GRIA3: variants seen among roughly 807,000 people sequenced by gnomAD.
GRIA3 encodes glutamate ionotropic receptor AMPA type subunit 3.
Under a neutral mutation model 63.0 loss-of-function variants are expected in GRIA3, and 3 were observed. That is an observed-to-expected ratio of 0.05 (90% confidence interval 0.02 to 0.12). The LOEUF is 0.12. Among genes scored for constraint, GRIA3 ranks in the 10% least tolerant of loss-of-function variants. The pLI is 1.00. For missense variants in GRIA3, 347 were observed against 700.9 expected, an observed-to-expected ratio of 0.50 and a Z score of 5.70; for synonymous variants, 274 against 257.9, an observed-to-expected ratio of 1.06 and a Z score of -0.60.
intron 4 of GRIA3, among the ~76,000 whole-genome samples, chrX:123,340,002 C>A (rs73229283): frequency 0.025 from 2,808 of 112,081 alleles, 39 homozygotes; most frequent in Middle Eastern, 0.037. Context: ...CTGAGAGAGA[C>A]TGACATACAT....
chrX:123,463,798 GAAGA>G (rs1387193783), intron 12 of GRIA3, among the ~76,000 whole-genome samples: 3 of 103,319 alleles, frequency 2.9e-5, no homozygotes, highest in African/African-American at 7.9e-5. Flanking sequence ...GAGAAAGAAA[GAAGA>G]AAGAGAGAGA....
chrX:123,361,691 G>C (rs1331220347), intron 5 of GRIA3, among the ~76,000 whole-genome samples: 1 of 111,060 alleles, frequency 9.0e-6, no homozygotes, highest in African/African-American at 3.3e-5. Context: ...CCACTGCACT[G>C]TGTCTCTCTT....
intron 12 of GRIA3, among the ~76,000 whole-genome samples, chrX:123,457,694 C>T (rs1277594995): frequency 8.9e-6 from 1 of 111,860 alleles, no homozygotes; most frequent in Non-Finnish European, 1.9e-5. Flanking sequence ...AAATGAATAG[C>T]ATATTATGCT....
In GRIA3 at chrX:123,184,802, C is replaced by CG. The variant is rs764744533; in HGVS notation, c.109+164dup. ...AGATGGTGCGGGGCGGGGGGCGGGG[C>CG]GGGGGGAATCTGAGCCTCAACGAGG... is the stretch of plus-strand genomic sequence containing the variant. On this transcript the variant is annotated intron_variant, in intron 1 of 15. Transcript: ENST00000620443. 0.053 allele frequency: 13,627 copies of CG among 258,440 alleles called. 298 individuals are homozygous for CG. The highest frequency in any genetic ancestry group is 0.17 in the South Asian group (5,019 of 28,896). 21.3% of individuals were successfully genotyped at this position (258,440 alleles called of 1,213,427 possible).
At chrX:123,244,465 T>A (rs1179430491) in intron 2 of GRIA3, among the ~76,000 whole-genome samples, 5 of 112,790 alleles carry the variant, frequency 4.4e-5, no homozygotes, top group Non-Finnish European at 7.5e-5. Context: ...GATAGCTGCC[T>A]GTATGGTAGG....
intron 15 of GRIA3, among the ~76,000 whole-genome samples, chrX:123,486,500 G>C: frequency 8.9e-6 from 1 of 111,880 alleles, no homozygotes; most frequent in East Asian, 2.8e-4. Flanking sequence ...AAACAAATCT[G>C]TCCTCCAAGC....
intron 12 of GRIA3, among the ~76,000 whole-genome samples, chrX:123,461,568 T>G: frequency 9.0e-6 from 1 of 111,596 alleles, no homozygotes; most frequent in Non-Finnish European, 1.9e-5. Context: ...CACAGGAGAG[T>G]GTAACCAAGA....
At chrX:123,275,422 C>T (rs1223936714) in intron 3 of GRIA3, among the ~76,000 whole-genome samples, 1 of 112,415 alleles carries the variant, frequency 8.9e-6, no homozygotes, top group Non-Finnish European at 1.9e-5. Flanking sequence ...GGCTTTACCA[C>T]TTCTCTAATC....
At chrX:123,482,448 G>A in intron 14 of GRIA3, among the ~76,000 whole-genome samples, 1 of 111,633 alleles carries the variant, frequency 9.0e-6, no homozygotes, top group Non-Finnish European at 1.9e-5. Context: ...TCTGGCAAAT[G>A]GTGTTTATCA....
intron 5 of GRIA3, among the ~76,000 whole-genome samples, chrX:123,367,269 T>A (rs2045216331): frequency 9.0e-6 from 1 of 111,600 alleles, no homozygotes; most frequent in South Asian, 3.8e-4. Flanking sequence ...ACACATTTTG[T>A]TTTCGGTAAA....
intron 5 of GRIA3, among the ~76,000 whole-genome samples, chrX:123,375,198 T>C (rs1393541275): frequency 2.7e-5 from 3 of 112,106 alleles, no homozygotes; most frequent in Non-Finnish European, 5.6e-5. Flanking sequence ...AATGATCATA[T>C]GGTTTTTGTC....
chrX:123,456,689 G>C (rs190275280), intron 12 of GRIA3, among the ~76,000 whole-genome samples: 1 of 111,531 alleles, frequency 9.0e-6, no homozygotes, highest in East Asian at 2.8e-4. Context: ...GGAAAAGAGG[G>C]GGAGGTCAGG....
intron 5 of GRIA3, among the ~76,000 whole-genome samples, chrX:123,374,010 T>A (rs928782960): frequency 2.0e-4 from 22 of 112,144 alleles, no homozygotes; most frequent in African/African-American, 7.1e-4. Context: ...AAGTCTTTAA[T>A]CCATCTCGAA....
chrX:123,266,223 A>G (rs1208435253), intron 3 of GRIA3, among the ~76,000 whole-genome samples: 1 of 112,358 alleles, frequency 8.9e-6, no homozygotes, highest in Non-Finnish European at 1.9e-5. Flanking sequence ...TTGCAATTTC[A>G]CATGGGCTTT....
At chrX:123,388,085 T>C (rs2045363755) in intron 5 of GRIA3, among the ~76,000 whole-genome samples, 1 of 112,075 alleles carries the variant, frequency 8.9e-6, no homozygotes, top group African/African-American at 3.2e-5. Context: ...AAATACTTTT[T>C]ATTACTGATT....
At chrX:123,237,959 A>C (rs927690264) in intron 2 of GRIA3, among the ~76,000 whole-genome samples, 8 of 111,746 alleles carry the variant, frequency 7.2e-5, no homozygotes, top group African/African-American at 2.6e-4. Flanking sequence ...CAAAAGGCTA[A>C]AGTAGGAATT....
At chrX:123,243,840 C>T (rs1214892180) in intron 2 of GRIA3, among the ~76,000 whole-genome samples, 3 of 111,483 alleles carry the variant, frequency 2.7e-5, no homozygotes, top group Non-Finnish European at 3.8e-5. Flanking sequence ...AAGCCCACTC[C>T]TGACTCCTGA....
intron 5 of GRIA3, among the ~76,000 whole-genome samples, chrX:123,379,620 G>GTTTTTTTTTTTTTTTTTTTTTTTAATTTT (rs369507360): frequency 4.4e-5 from 3 of 68,013 alleles, no homozygotes; most frequent in Non-Finnish European, 8.0e-5. Flanking sequence ...CTAGCAACTT[G>GTTTTTTTTTTTTTTTTTTTTTTTAATTTT]TTTTTTTTTT....
At chrX:123,431,736 C>A (rs1285882911) in intron 12 of GRIA3, among the ~76,000 whole-genome samples, 3 of 112,160 alleles carry the variant, frequency 2.7e-5, no homozygotes, top group Non-Finnish European at 5.6e-5. Flanking sequence ...TCTCTGCCTG[C>A]AGACCTTTAA....
Sources: allele counts gnomAD v4.1 joint callset (sites outside exome capture counted in the v4.1 genomes callset), GRCh38; gene constraint gnomAD v4.1.1; transcripts MANE v1.5; gene names NCBI Gene and HGNC (gene_info 2026-07-23, HGNC 2026-07-21).